GRID2: variants seen among roughly 807,000 people sequenced by gnomAD.
The protein encoded by GRID2 is glutamate ionotropic receptor delta type subunit 2, also known as glutamate receptor ionotropic, delta-2.
In GRID2, 33 loss-of-function variants were observed where a neutral mutation model predicts 114.8. That is an observed-to-expected ratio of 0.29 (90% CI 0.22 to 0.38). The LOEUF is 0.38. Among genes scored for constraint, GRID2 ranks in the 10% least tolerant of loss-of-function variants. The probability of loss-of-function intolerance (pLI) is 1.00; values close to 1 mark genes in which losing one functional copy is unlikely to be tolerated. For synonymous variants in GRID2, 505 were observed against 449.9 expected (o/e 1.12, Z -1.55); for missense variants, 1,184 against 1,257.7 (o/e 0.94, Z 0.89).
At chr4:92,958,331 A>G (rs1210830640) in intron 2 of GRID2, among the ~76,000 whole-genome samples, 1 of 152,018 alleles carries the variant, frequency 6.6e-6, no homozygotes, top group Non-Finnish European at 1.5e-5. Flanking sequence ...TAGTTGACTG[A>G]GAGATTTTAT....
intron 1 of GRID2, among the ~76,000 whole-genome samples, chr4:92,353,777 C>A (rs1728186729): frequency 1.3e-5 from 2 of 151,998 alleles, no homozygotes; most frequent in Admixed American, 1.3e-4. Flanking sequence ...AGCTTAACAT[C>A]TTGTTTTGTC....
chr4:93,265,886 GATT>G (rs1458347449), intron 8 of GRID2, among the ~76,000 whole-genome samples: 1 of 152,108 alleles, frequency 6.6e-6, no homozygotes, highest in East Asian at 1.9e-4. Context: ...GCATTTGTAG[GATT>G]ATTATCTCCT....
intron 12 of GRID2, among the ~76,000 whole-genome samples, chr4:93,513,628 T>G (rs1484054497): frequency 1.3e-5 from 2 of 152,178 alleles, no homozygotes; most frequent in East Asian, 3.9e-4. Context: ...TCTCTTCAGA[T>G]AGGATGATTT....
At chr4:92,834,643 C>A (rs17325926) in intron 2 of GRID2, among the ~76,000 whole-genome samples, 20,989 of 152,106 alleles carry the variant, frequency 0.14, 1,715 homozygotes, top group African/African-American at 0.22. Context: ...GTACATTAAG[C>A]AAATGGTTTT....
intron 1 of GRID2, among the ~76,000 whole-genome samples, chr4:92,464,804 T>C (rs887061545): frequency 2.0e-5 from 3 of 152,114 alleles, no homozygotes; most frequent in Admixed American, 2.0e-4. Flanking sequence ...TAAGATAGTA[T>C]GAGAGGTTTG....
intron 3 of GRID2, among the ~76,000 whole-genome samples, chr4:93,107,655 C>T (rs1177844746): frequency 6.6e-6 from 1 of 151,944 alleles, no homozygotes; most frequent in Non-Finnish European, 1.5e-5. Flanking sequence ...TTTCTTGCCT[C>T]AGCCTGGGTA....
intron 14 of GRID2, among the ~76,000 whole-genome samples, chr4:93,697,867 G>GTATATATATATATATATA (rs1336222146): frequency 1.2e-3 from 102 of 83,858 alleles, no homozygotes; most frequent in African/African-American, 3.3e-3. Context: ...TCCACAATGT[G>GTATATATATATATATATA]TGTATATATA....
chr4:93,254,302 C>A (rs958384499), intron 8 of GRID2, among the ~76,000 whole-genome samples: 5 of 152,158 alleles, frequency 3.3e-5, no homozygotes, highest in Middle Eastern at 3.4e-3. Flanking sequence ...AAATGAATCT[C>A]ATTTTTAACA....
chr4:93,386,894 A>G (rs921593846), intron 8 of GRID2, among the ~76,000 whole-genome samples: 1 of 152,140 alleles, frequency 6.6e-6, no homozygotes, highest in African/African-American at 2.4e-5. Context: ...AAGCCTCTGA[A>G]TGGAGGCTCC....
chr4:92,319,537 T>C (rs987038631), intron 1 of GRID2, among the ~76,000 whole-genome samples: 2 of 152,214 alleles, frequency 1.3e-5, no homozygotes, highest in Non-Finnish European at 2.9e-5. Flanking sequence ...GCAGGGGAGA[T>C]GCCTAGGGAA....
chr4:92,659,008 G>A (rs1732392907), intron 2 of GRID2, among the ~76,000 whole-genome samples: 1 of 142,088 alleles, frequency 7.0e-6, no homozygotes, highest in Non-Finnish European at 1.6e-5. Flanking sequence ...GTACTGTAGT[G>A]TTATTTTCTA....
chr4:93,283,386 C>T (rs1752845610), intron 8 of GRID2, among the ~76,000 whole-genome samples: 1 of 151,986 alleles, frequency 6.6e-6, no homozygotes. Flanking sequence ...ATAATTCTAG[C>T]TCCCAAATTC....
rs950985587 is a variant in GRID2, at chr4:93,591,269, T to G, written c.2194-35000T>G. Reference sequence around the variant, plus strand: ...TATTGAGAGTTTTTAGCATGAAAAGTTGTTGAATTTTGTCAAAGGCCTTTT... The same window carrying G: ...TATTGAGAGTTTTTAGCATGAAAAGGTGTTGAATTTTGTCAAAGGCCTTTT... On this transcript the variant is annotated intron_variant, in intron 13 of 15. Transcript: ENST00000282020. Among the ~76,000 whole-genome samples the G allele has an allele frequency of 1.5e-4, 23 of 151,930 alleles. No homozygotes were observed. In the South Asian group the frequency reaches 2.7e-3, roughly 18 times the overall value.
chr4:93,608,968 C>G lies in GRID2; in HGVS notation c.2194-17301C>G, dbSNP rs890043163. Among the ~76,000 whole-genome samples, 3 of 121,546 alleles carry G rather than the reference C, an allele frequency of 2.5e-5. No homozygotes were observed. In the South Asian group the frequency reaches 8.8e-4, roughly 36 times the overall value. The allele number at this position is 121,546 out of a possible 152,430, so 79.7% of individuals were successfully genotyped here. A position where few individuals can be genotyped will look rare whatever the true frequency, so the allele number is the denominator to read the frequency against. On this transcript the variant is annotated intron_variant, in intron 13 of 15. Coordinates refer to ENST00000282020, the MANE Select transcript of GRID2 (RefSeq NM_001510.4). ...TCCTATTTCTCCACATCCTCTCCAG[C>G]ACCTGTTGTTTCCTGACTTTTTAAT...
intron 2 of GRID2, among the ~76,000 whole-genome samples, chr4:92,799,891 G>A (rs1229997516): frequency 6.6e-6 from 1 of 151,910 alleles, no homozygotes; most frequent in Non-Finnish European, 1.5e-5. Flanking sequence ...ACAATTTTAA[G>A]CTTAGCTTTT....
intron 4 of GRID2, among the ~76,000 whole-genome samples, chr4:93,201,751 C>T (rs1316671147): frequency 1.3e-5 from 2 of 152,118 alleles, no homozygotes; most frequent in Non-Finnish European, 2.9e-5. Context: ...TTGTTGATTT[C>T]CTTGCATTGG....
chr4:93,555,157 G>C (rs1030994478), intron 13 of GRID2, among the ~76,000 whole-genome samples: 1 of 152,094 alleles, frequency 6.6e-6, no homozygotes, highest in Non-Finnish European at 1.5e-5. Flanking sequence ...CAGGGCCCTG[G>C]GTTTCAAGCA....
chr4:93,010,449 T>A (rs1722016272), intron 2 of GRID2, among the ~76,000 whole-genome samples: 1 of 151,950 alleles, frequency 6.6e-6, no homozygotes, highest in Non-Finnish European at 1.5e-5. Context: ...AACAGCGGAA[T>A]GGAAGAGCTG....
chr4:93,397,757 G>A (rs1398106604), intron 9 of GRID2, among the ~76,000 whole-genome samples: 2 of 151,898 alleles, frequency 1.3e-5, no homozygotes, highest in Non-Finnish European at 2.9e-5. Context: ...AAATGATATA[G>A]TATTTGCATA....
Sources: gnomAD v4.1 joint callset for allele counts (sites outside exome capture counted in the v4.1 genomes callset) on GRCh38, gnomAD v4.1.1 for gene constraint, MANE v1.5 for transcripts, NCBI Gene and HGNC (gene_info 2026-07-23, HGNC 2026-07-21) for gene names.